AK7: variants seen among roughly 807,000 people sequenced by gnomAD.
AK7 encodes adenylate kinase 7.
Under a neutral mutation model 96.6 loss-of-function variants are expected in AK7, and 78 were observed. The observed-to-expected ratio is 0.81, with a 90% CI of 0.67 to 0.97. AK7 has a LOEUF of 0.97. AK7 is among the 50% of genes least tolerant of loss of function. The pLI, the probability that AK7 is intolerant of heterozygous loss-of-function variation, is 0.00. For missense variants in AK7, 855 were observed against 887.9 expected, an observed-to-expected ratio of 0.96 and a Z score of 0.47; for synonymous variants, 302 against 317.2, an observed-to-expected ratio of 0.95 and a Z score of 0.51.
intron 10 of AK7, 61 bp from the exon 11 acceptor site, chr14:96,456,286 C>T: frequency 9.5e-7 from 1 of 1,057,774 alleles, no homozygotes; most frequent in Non-Finnish European, 1.3e-6. Context: ...TAAAAAACCA[C>T]TCTGTCTAGC....
rs771535920 is a variant in AK7, at chr14:96,398,132, G to A, written c.163G>A (p.Glu55Lys). ...SLEEITEEEE[E>K]EDENKSAMLE... The stretch of plus-strand genomic sequence containing the variant: ...TGAAGAAATTACAGAGGAAGAGGAA[G>A]AGGAAGATGAAAATAAGTCAGCTAT... Residue 55 changes from glutamate to lysine, a missense_variant, in exon 2 of 18, where the codon GAG becomes AAG. Transcript: ENST00000267584. 1.2e-5 allele frequency: 19 copies of A among 1,613,700 alleles called. No individual in the cohort carries two copies. The East Asian group carries it at 3.8e-4, about 32-fold the overall frequency.
intron 1 of AK7, among the ~76,000 whole-genome samples, chr14:96,397,462 T>C (rs1890146563): frequency 6.6e-6 from 1 of 152,188 alleles, no homozygotes; most frequent in South Asian, 2.1e-4. Context: ...TTGGCCAGGC[T>C]GGTGTCGAGC....
In AK7 at chr14:96,456,446, G is replaced by A. The variant is rs1212859548; in HGVS notation, c.1198G>A (p.Asp400Asn). The A allele has an allele frequency of 6.2e-7, 1 of 1,613,648 alleles. No individual in the cohort carries two copies. Among genetic ancestry groups the A allele is most frequent in the Non-Finnish European group, 8.5e-7 (1 of 1,179,838 alleles). The change falls in exon 11 of 18, where the codon GAT becomes AAT. Residue 400 changes from aspartate (D) to asparagine (N), a missense_variant. Coordinates refer to ENST00000267584, the MANE Select transcript of AK7 (RefSeq NM_152327.5). ...CAAACTGCATCACATCCAACTGAAG[G>A]ATGTCATTTCTGAAGCCATAGCAAA... ...YYKLHHIQLK[D>N]VISEAIAKLE...
chr14:96,395,470 A>ACC (rs1269325675), intron 1 of AK7, among the ~76,000 whole-genome samples: 1 of 152,112 alleles, frequency 6.6e-6, no homozygotes, highest in Non-Finnish European at 1.5e-5. Flanking sequence ...GGATGAGTGG[A>ACC]CCTACAAAGT....
chr14:96,444,247 G>T (rs907971840), intron 7 of AK7, among the ~76,000 whole-genome samples: 2 of 152,072 alleles, frequency 1.3e-5, no homozygotes, highest in Non-Finnish European at 2.9e-5. Context: ...TGGAGGGGCC[G>T]AAACATACCC....
chr14:96,433,252 T>C (rs917982252), intron 5 of AK7, among the ~76,000 whole-genome samples: 3 of 152,224 alleles, frequency 2.0e-5, no homozygotes, highest in African/African-American at 7.2e-5. Context: ...CTGGATAATA[T>C]CCTGAAGAGT....
intron 4 of AK7, among the ~76,000 whole-genome samples, chr14:96,418,030 G>C (rs911564876): frequency 6.6e-6 from 1 of 151,982 alleles, no homozygotes; most frequent in African/African-American, 2.4e-5. Flanking sequence ...TGCTTTAAAA[G>C]TGAAAAACCC....
intron 5 of AK7, among the ~76,000 whole-genome samples, chr14:96,428,437 T>A (rs1892157507): frequency 6.6e-6 from 1 of 152,204 alleles, no homozygotes; most frequent in South Asian, 2.1e-4. Flanking sequence ...TGTGCATGTG[T>A]CTTTATAGCA....
intron 4 of AK7, among the ~76,000 whole-genome samples, chr14:96,409,984 G>A (rs554505261): frequency 1.3e-5 from 2 of 152,198 alleles, no homozygotes; most frequent in Non-Finnish European, 2.9e-5. Context: ...ATTCCTGGCT[G>A]ACCACAATGA....
chr14:96,451,802 T>A (rs1662210813), intron 10 of AK7, among the ~76,000 whole-genome samples: 1 of 152,178 alleles, frequency 6.6e-6, no homozygotes, highest in Admixed American at 6.6e-5. Flanking sequence ...GTATGCAAAT[T>A]TATCTAATTT....
At chr14:96,412,729 C>CT (rs1330329175) in intron 4 of AK7, among the ~76,000 whole-genome samples, 1 of 151,128 alleles carries the variant, frequency 6.6e-6, no homozygotes, top group African/African-American at 2.4e-5. Flanking sequence ...CCACTCCTGT[C>CT]TAATTTTTTG....
intron 12 of AK7, among the ~76,000 whole-genome samples, chr14:96,469,023 G>T (rs1306176796): frequency 6.6e-6 from 1 of 152,066 alleles, no homozygotes; most frequent in African/African-American, 2.4e-5. Context: ...TGTGTACTGG[G>T]TCATGCCTTG....
At chr14:96,443,124 G>A (rs1307981094) in intron 7 of AK7, among the ~76,000 whole-genome samples, 2 of 152,192 alleles carry the variant, frequency 1.3e-5, no homozygotes, top group Non-Finnish European at 2.9e-5. Flanking sequence ...TTCTGAGGAC[G>A]TAGTTTCTTA....
In AK7 at chr14:96,478,799, C is replaced by T. The variant is rs1895339048; in HGVS notation, c.1753+137C>T. ...TTGGGGCACAGGAAGCCATGAAATACACAGGGCACTCCTCCTGGGGAGTCA... is the reference window on the plus strand; with the variant it reads ...TTGGGGCACAGGAAGCCATGAAATATACAGGGCACTCCTCCTGGGGAGTCA... On this transcript the variant is annotated intron_variant, in intron 15 of 17. Transcript: ENST00000267584. 3 of 792,870 alleles carry T rather than the reference C, an allele frequency of 3.8e-6. No individual in the cohort carries two copies. The South Asian group carries it at 5.1e-5, about 13-fold the overall frequency. The allele number at this position is 792,870 out of a possible 1,614,324, so 49.1% of individuals were successfully genotyped here. A position where few individuals can be genotyped will look rare whatever the true frequency, so the allele number is the denominator to read the frequency against.
chr14:96,451,427 T>C lies in AK7; in HGVS notation c.955T>C (p.Cys319Arg), dbSNP rs369963603. 3.2e-6 allele frequency: 5 copies of C among 1,563,968 alleles called. No individual in the cohort carries two copies. In the African/African-American group the frequency reaches 5.5e-5, roughly 17 times the overall value. The change falls in exon 10 of 18, where the codon TGT becomes CGT. Residue 319 changes from cysteine (C) to arginine (R), a missense_variant. By Grantham distance (180) the Cys-to-Arg change is radical. Coordinates refer to ENST00000267584, the MANE Select transcript of AK7 (RefSeq NM_152327.5). ...AYLTKDLTQDCLDHLLVNLRM... is the reference protein window; with the variant it reads ...AYLTKDLTQDRLDHLLVNLRM... ...ATTGTCCTCTATCTTTCAGCAAGAT[T>C]GTCTTGACCATTTACTGGTCAACTT...
At chr14:96,422,053 T>C (rs915221854) in intron 5 of AK7, among the ~76,000 whole-genome samples, 8 of 152,158 alleles carry the variant, frequency 5.3e-5, no homozygotes, top group Admixed American at 1.3e-4. Flanking sequence ...CGCCTTCTGG[T>C]CCCGTGGTGC....
chr14:96,488,247 C>A (rs1895883422), intron 17 of AK7, 58 bp from the exon 18 acceptor site: 1 of 1,492,258 alleles, frequency 6.7e-7, no homozygotes, highest in Non-Finnish European at 9.3e-7. Flanking sequence ...ATTACTAATA[C>A]AAATACATGA....
chr14:96,480,481 T>G (rs907660286), intron 15 of AK7, among the ~76,000 whole-genome samples: 2 of 152,132 alleles, frequency 1.3e-5, no homozygotes, highest in Non-Finnish European at 2.9e-5. Context: ...AAATTCTTCT[T>G]GTCTGCACCC....
Position 96,451,459 on chromosome 14 carries a change from G to C in AK7, c.987G>C (p.Met329Ile). 1 of 1,594,604 alleles carries C rather than the reference G, an allele frequency of 6.3e-7. No homozygotes were observed. The highest frequency in any genetic ancestry group is 2.3e-5 in the East Asian group (1 of 44,180). The part of the protein sequence containing the change: ...CLDHLLVNLR[M>I]EALFVKENFN... The stretch of plus-strand genomic sequence containing the variant: ...ACCATTTACTGGTCAACTTAAGAAT[G>C]GAAGCGCTCTTTGTGAAGGAGAATT... Residue 329 changes from methionine (M) to isoleucine (I), a missense_variant, in exon 10 of 18, where the codon ATG becomes ATC. Transcript: ENST00000267584.
Sources: gnomAD v4.1 joint callset for allele counts (sites outside exome capture counted in the v4.1 genomes callset) on GRCh38, gnomAD v4.1.1 for gene constraint, MANE v1.5 for transcripts, NCBI Gene and HGNC (gene_info 2026-07-23, HGNC 2026-07-21) for gene names.